PTPRT: variants seen among roughly 807,000 people sequenced by gnomAD.
PTPRT encodes receptor-type tyrosine-protein phosphatase T.
A neutral mutation model predicts 176.8 loss-of-function variants in PTPRT; 56 were observed. The ratio of observed to expected loss-of-function variants is 0.32; its 90% CI spans 0.26 to 0.40. PTPRT has a LOEUF of 0.40. PTPRT is among the 10% of genes least tolerant of loss of function. PTPRT has a pLI of 1.00. For missense variants in PTPRT, 1,540 were observed against 1,908.2 expected (o/e 0.81, Z 3.60); for synonymous variants, 783 against 739.0 (o/e 1.06, Z -0.96).
chr20:42,563,907 T>C (rs2072995389), intron 7 of PTPRT, among the ~76,000 whole-genome samples: 1 of 152,184 alleles, frequency 6.6e-6, no homozygotes, highest in African/African-American at 2.4e-5. Context: ...CAGTCAAAAA[T>C]GAATCTGCAG....
At chr20:42,493,962 A>G (rs1222236917) in intron 7 of PTPRT, among the ~76,000 whole-genome samples, 1 of 151,306 alleles carries the variant, frequency 6.6e-6, no homozygotes, top group Non-Finnish European at 1.5e-5. Flanking sequence ...ACTCAATCAC[A>G]TTGCCCATCC....
chr20:42,893,208 A>C (rs189090934), intron 1 of PTPRT, among the ~76,000 whole-genome samples: 5 of 152,348 alleles, frequency 3.3e-5, no homozygotes, highest in Admixed American at 3.3e-4. Context: ...AAGGATATGA[A>C]CAGACACTTC....
At chr20:42,101,184 G>A (rs1444204345) in intron 26 of PTPRT, among the ~76,000 whole-genome samples, 2 of 152,206 alleles carry the variant, frequency 1.3e-5, no homozygotes, top group African/African-American at 4.8e-5. Flanking sequence ...TTGAGCCTCA[G>A]GAGGTGAGAT....
Position 42,084,776 on chromosome 20 carries a change from G to C in PTPRT, c.4042C>G (p.Pro1348Ala), listed in dbSNP as rs539998222. The C allele has an allele frequency of 1.8e-5, 28 of 1,559,536 alleles. No homozygotes were observed. In the African/African-American group the frequency reaches 3.2e-4, roughly 18 times the overall value. ...ACTTTGAGCAGAGAGCGCTTGGAGGGGGGCGTGTCCCGGTAGGCAGGCCAG... is the reference window on the plus strand; with the variant it reads ...ACTTTGAGCAGAGAGCGCTTGGAGGCGGGCGTGTCCCGGTAGGCAGGCCAG... ...IGWPAYRDTP[P>A]SKRSLLKVVR... Residue 1348 changes from proline (P) to alanine (A), a missense_variant, in exon 29 of 31, where the codon CCC becomes GCC. Coordinates refer to ENST00000373187, the MANE Select transcript of PTPRT (RefSeq NM_007050.6).
intron 6 of PTPRT, among the ~76,000 whole-genome samples, chr20:42,736,817 G>A (rs191203865): frequency 1.6e-4 from 25 of 152,034 alleles, no homozygotes; most frequent in Admixed American, 3.3e-4. Flanking sequence ...GATGAGGAGA[G>A]ATGGAAGGAG....
intron 7 of PTPRT, among the ~76,000 whole-genome samples, chr20:42,476,559 C>A (rs914310159): frequency 6.6e-6 from 1 of 152,086 alleles, no homozygotes; most frequent in Non-Finnish European, 1.5e-5. Context: ...TTACTGAAAT[C>A]TTGGGAGATG....
At chr20:42,389,441 C>T (rs1431033040) in intron 9 of PTPRT, among the ~76,000 whole-genome samples, 2 of 152,122 alleles carry the variant, frequency 1.3e-5, no homozygotes, top group Non-Finnish European at 2.9e-5. Flanking sequence ...TGTGTTCCCC[C>T]AAAACCATAT....
In PTPRT at chr20:42,081,929, T is replaced by C. The variant is rs1290388722; in HGVS notation, c.4225A>G (p.Ile1409Val). Residue 1409 changes from isoleucine to valine, a missense_variant, in exon 30 of 31, where the codon ATC becomes GTC. Around this residue, in one of 11 missense-constraint regions of PTPRT, gnomAD observed 342 missense variants for 394.0 expected, o/e 0.87. Coordinates refer to ENST00000373187, the MANE Select transcript of PTPRT (RefSeq NM_007050.6). ...TTGTTGTTACGCAGTGTTTTCACGATGTGGAACACGTCAATGATGTTTTGC... is the reference window on the plus strand; with the variant it reads ...TTGTTGTTACGCAGTGTTTTCACGACGTGGAACACGTCAATGATGTTTTGC... ...QQQNIIDVFH[I>V]VKTLRNNKSN... 4 of 1,614,250 alleles carry C rather than the reference T, an allele frequency of 2.5e-6. No homozygotes were observed. The highest frequency in any genetic ancestry group is 2.2e-5 in the East Asian group (1 of 44,880).
At chr20:42,900,829 C>T (rs1254379816) in intron 1 of PTPRT, among the ~76,000 whole-genome samples, 5 of 151,852 alleles carry the variant, frequency 3.3e-5, no homozygotes, top group African/African-American at 4.8e-5. Flanking sequence ...AGAAGCCTAC[C>T]CTGAAGCACC....
chr20:42,289,524 GA>G (rs1186626927), intron 12 of PTPRT, among the ~76,000 whole-genome samples: 3 of 151,894 alleles, frequency 2.0e-5, no homozygotes, highest in Non-Finnish European at 4.4e-5. Flanking sequence ...CAACAAACAT[GA>G]AAAAATGCTC....
intron 7 of PTPRT, among the ~76,000 whole-genome samples, chr20:42,610,741 A>G (rs12479723): frequency 0.15 from 23,558 of 152,220 alleles, 2,453 homozygotes; most frequent in Middle Eastern, 0.25. Flanking sequence ...TTTAAAGTGT[A>G]TAATGCAGTG....
At position 42,761,366 on chromosome 20, in the gene PTPRT, G is replaced by A. The variant is rs527803156; in HGVS notation, c.685-4730C>T. Among the ~76,000 whole-genome samples, 55 of 152,100 alleles carry A rather than the reference G, an allele frequency of 3.6e-4. 1 individual carries two copies. The highest frequency in any genetic ancestry group is 1.2e-3 in the African/African-American group (50 of 41,460). ...GGAGAATCGCTTCAACCCGGGAGGC[G>A]GAGGTTGAGGTGAGCCAAGATCGTG... On this transcript the variant is annotated intron_variant, in intron 5 of 30. Transcript: ENST00000373187.
intron 7 of PTPRT, among the ~76,000 whole-genome samples, chr20:42,564,838 T>C (rs2073012364): frequency 6.6e-6 from 1 of 152,164 alleles, no homozygotes; most frequent in South Asian, 2.1e-4. Context: ...GTGTTGTAAG[T>C]AACCTAGAGA....
At chr20:42,576,315 C>T (rs1347301109) in intron 7 of PTPRT, among the ~76,000 whole-genome samples, 3 of 152,202 alleles carry the variant, frequency 2.0e-5, no homozygotes, top group Admixed American at 1.3e-4. Flanking sequence ...TCTCTGGACC[C>T]TCTGTTTACT....
rs764541550 is a variant in PTPRT at position 42,756,604 on chromosome 20, G to A, written c.717C>T (p.Val239=). The A allele has an allele frequency of 2.5e-6, 4 of 1,606,364 alleles. No individual in the cohort carries two copies. The highest frequency in any genetic ancestry group is 1.1e-5 in the South Asian group (1 of 90,210). ...QWNGRDTALM[V]TRVVNHRRFS... is the part of the protein sequence containing the mutation. ...AGCGCCTGTGGTTGACCACACGGGT[G>A]ACCATCAGGGCCGTGTCCCTGCCAT... Residue 239 remains valine (V), a synonymous_variant, in exon 6 of 31, where the codon GTC becomes GTT. Transcript: ENST00000373187.
rs536606249 is a variant in PTPRT, at chr20:42,388,410, C to A, written c.1561-36125G>T. Reference sequence around the variant, plus strand: ...GCGCTAATATCCAGAATCTACAAAGCACTTAAACAAATTTACAAGAAAAAA... The same window carrying A: ...GCGCTAATATCCAGAATCTACAAAGAACTTAAACAAATTTACAAGAAAAAA... On this transcript the variant is annotated intron_variant, in intron 9 of 30. Transcript: ENST00000373187. Among the ~76,000 whole-genome samples, 5 of 152,166 alleles carry A rather than the reference C, an allele frequency of 3.3e-5. No individual in the cohort carries two copies. In the South Asian group the frequency reaches 8.3e-4, roughly 25 times the overall value.
At chr20:42,331,560 G>A (rs993168918) in intron 11 of PTPRT, among the ~76,000 whole-genome samples, 3 of 151,958 alleles carry the variant, frequency 2.0e-5, no homozygotes, top group Admixed American at 2.0e-4. Flanking sequence ...TGCCAGATAG[G>A]GCAAACAAAT....
chr20:42,916,928 G>A (rs1160387411), intron 1 of PTPRT, among the ~76,000 whole-genome samples: 1 of 152,112 alleles, frequency 6.6e-6, no homozygotes, highest in Non-Finnish European at 1.5e-5. Flanking sequence ...TCACTCTGAT[G>A]CTAGTTTCTT....
In PTPRT at chr20:42,417,788, A is replaced by C. The variant is rs185127315; in HGVS notation, c.1560+30432T>G. Among the ~76,000 whole-genome samples the C allele has an allele frequency of 6.2e-3, 935 of 151,628 alleles. 5 individuals carry two copies. Among genetic ancestry groups the C allele is most frequent in the Middle Eastern group, 0.024 (7 of 292 alleles). On this transcript the variant is annotated intron_variant, in intron 9 of 30. Transcript: ENST00000373187. ...AGTCTCACTCTCTCACCCAGGCTGG[A>C]GTACAGTGTCATGATCATAGCTCAT... is the stretch of plus-strand genomic sequence containing the variant.
Sources: allele counts gnomAD v4.1 joint callset (sites outside exome capture counted in the v4.1 genomes callset), GRCh38; gene constraint gnomAD v4.1.1; regional missense constraint gnomAD v4.1.1; transcripts MANE v1.5; gene names NCBI Gene and HGNC (gene_info 2026-07-23, HGNC 2026-07-21).